The following ADGRL1 variants were observed in gnomAD, a reference collection of about 807,000 sequenced individuals.
ADGRL1 encodes the protein adhesion G protein-coupled receptor L1.
A neutral mutation model predicts 148.9 loss-of-function variants in ADGRL1; 31 were observed. The observed-to-expected ratio is 0.21, with a 90% CI of 0.16 to 0.28. The LOEUF is 0.28. ADGRL1 is among the 10% of genes least tolerant of loss of function. The probability of loss-of-function intolerance (pLI) is 1.00; values close to 1 mark genes in which losing one functional copy is unlikely to be tolerated. For missense variants in ADGRL1, 1,521 were observed against 2,058.8 expected, an observed-to-expected ratio of 0.74 and a Z score of 5.05; for synonymous variants, 937 against 900.3, an observed-to-expected ratio of 1.04 and a Z score of -0.73.
Position 14,193,271 on chromosome 19 carries a change from C to CAAAAA in ADGRL1, c.-95-9579_-95-9575dup, listed in dbSNP as rs34844517. On this transcript the variant is annotated intron_variant, in intron 1 of 22. Coordinates refer to ENST00000361434, the MANE Select transcript of ADGRL1 (RefSeq NM_014921.5). ...AAATATGGCCCCCCGCCCCCACCGCCAAAAAAAAAAAAAAAAAAAAAACTC... is the reference window on the plus strand; with the variant it reads ...AAATATGGCCCCCCGCCCCCACCGCCAAAAAAAAAAAAAAAAAAAAAAAAAAACTC... Among the ~76,000 whole-genome samples the CAAAAA allele has an allele frequency of 1.4e-3, 67 of 48,588 alleles. 4 individuals carry two copies. The highest frequency in any genetic ancestry group is 0.014 in the Middle Eastern group (1 of 72). 31.9% of individuals were successfully genotyped at this position (48,588 alleles called of 152,430 possible).
At chr19:14,193,806 A>G (rs2145124931) in intron 1 of ADGRL1, among the ~76,000 whole-genome samples, 1 of 152,360 alleles carries the variant, frequency 6.6e-6, no homozygotes, top group African/African-American at 2.4e-5. Flanking sequence ...TGATGCTTCT[A>G]GAAGCCAGGG....
chr19:14,150,555 G>A lies in ADGRL1; in HGVS notation c.*318C>T, dbSNP rs1968060441. 8.5e-6 allele frequency: 3 copies of A among 352,730 alleles called. No individual in the cohort carries two copies. The highest frequency in any genetic ancestry group is 4.3e-5 in the Admixed American group (1 of 23,188). 21.9% of individuals were successfully genotyped at this position (352,730 alleles called of 1,614,324 possible). On this transcript the variant is annotated 3_prime_UTR_variant, in exon 23 of 23. Coordinates refer to ENST00000361434, the MANE Select transcript of ADGRL1 (RefSeq NM_014921.5). ...CTTCACAGGGTAGAAGGGTGGGAGA[G>A]GGGAGAGTCTGGAAGTGGGCTGCAC... is the stretch of plus-strand genomic sequence containing the variant.
chr19:14,185,188 T>G (rs1971505710), intron 1 of ADGRL1, among the ~76,000 whole-genome samples: 1 of 152,178 alleles, frequency 6.6e-6, no homozygotes, highest in Non-Finnish European at 1.5e-5. Context: ...CGCTCAAATG[T>G]CTGTCCTCAG....
intron 3 of ADGRL1, among the ~76,000 whole-genome samples, chr19:14,172,990 C>T (rs762707510): frequency 6.6e-6 from 1 of 152,068 alleles, no homozygotes; most frequent in Admixed American, 6.5e-5. Flanking sequence ...GACAGGGTCC[C>T]GCTCTGTCAC....
At chr19:14,193,271 C>CA (rs34844517) in intron 1 of ADGRL1, among the ~76,000 whole-genome samples, 15,878 of 48,556 alleles carry the variant, frequency 0.33, 2,645 homozygotes, top group Non-Finnish European at 0.37. Flanking sequence ...CCCCCACCGC[C>CA]AAAAAAAAAA....
chr19:14,160,151 C>G lies in ADGRL1; in HGVS notation c.1761G>C (p.Arg587=). 6.3e-7 allele frequency: 1 copy of G among 1,594,680 alleles called. No homozygotes were observed. The highest frequency in any genetic ancestry group is 8.6e-7 in the Non-Finnish European group (1 of 1,164,350). The change falls in exon 8 of 23, where the codon CGG becomes CGC. Residue 587 remains arginine (R), a synonymous_variant. Transcript: ENST00000361434. This position sits in a 1 kb window ranked among gnomAD's most constrained non-coding sequence, Gnocchi z 5.9. ...DILDAQLQAL[R]PIERESAGKN... is the part of the protein sequence containing the mutation. ...TGCCGGCTGACTCGCGCTCGATGGGCCGCAGGGCCTGCAGCTGGGCATCCA... is the reference window on the plus strand; with the variant it reads ...TGCCGGCTGACTCGCGCTCGATGGGGCGCAGGGCCTGCAGCTGGGCATCCA...
intron 4 of ADGRL1, 59 bp from the exon 5 acceptor site, chr19:14,163,465 G>GGAGGGAGA (rs1472401156): frequency 1.1e-5 from 8 of 702,288 alleles, no homozygotes; most frequent in Admixed American, 9.5e-5. Flanking sequence ...GCGAGAGGGA[G>GGAGGGAGA]GAGAGAGAGA....
At position 14,162,552 on chromosome 19, in the gene ADGRL1, G is replaced by A; in HGVS notation, c.1195+54C>T. The A allele has an allele frequency of 6.6e-7, 1 of 1,512,280 alleles. No individual in the cohort carries two copies. Among genetic ancestry groups the A allele is most frequent in the Non-Finnish European group, 9.0e-7 (1 of 1,109,786 alleles). The allele number at this position is 1,512,280 out of a possible 1,614,324, so 93.7% of individuals were successfully genotyped here. On this transcript the variant is annotated intron_variant, in intron 5 of 22. Transcript: ENST00000361434. The surrounding 1 kb of genome is among the most constrained non-coding windows in gnomAD (Gnocchi z 5.4). ...ACTCTGGGACCCAGGGGTGGGTGGG[G>A]GTGGAGGGGACAAAGGCAAGCAGGC...
rs1969134835 is a variant in ADGRL1, at chr19:14,159,649, C to T, written c.1840-65G>A. On this transcript the variant is annotated intron_variant, in intron 9 of 22. Transcript: ENST00000361434. This position sits in a 1 kb window ranked among gnomAD's most constrained non-coding sequence, Gnocchi z 6.0. The stretch of plus-strand genomic sequence containing the variant: ...ACCCTCTAATTCCTGGGGGTGGGCT[C>T]TGCATGCCCTCTTCTCAACCTCCAC... The T allele has an allele frequency of 6.3e-7, 1 of 1,591,872 alleles. No homozygotes were observed. The highest frequency in any genetic ancestry group is 1.3e-5 in the African/African-American group (1 of 74,502).
At chr19:14,197,335 G>T (rs183046110) in intron 1 of ADGRL1, among the ~76,000 whole-genome samples, 183 of 152,230 alleles carry the variant, frequency 1.2e-3, no homozygotes, top group African/African-American at 4.2e-3. Flanking sequence ...AGGGGTAGGG[G>T]TCGTTCAAAA....
In ADGRL1 at chr19:14,160,022, C is replaced by A; in HGVS notation, c.1800+90G>T. The A allele has an allele frequency of 7.2e-7, 1 of 1,385,484 alleles. No homozygotes were observed. Among genetic ancestry groups the A allele is most frequent in the Non-Finnish European group, 9.7e-7 (1 of 1,029,556 alleles). 85.8% of individuals were successfully genotyped at this position (1,385,484 alleles called of 1,614,324 possible). On this transcript the variant is annotated intron_variant, in intron 8 of 22. Coordinates refer to ENST00000361434, the MANE Select transcript of ADGRL1 (RefSeq NM_014921.5). This position sits in a 1 kb window ranked among gnomAD's most constrained non-coding sequence, Gnocchi z 5.9. Reference sequence around the variant, plus strand: ...TGAGGAAAGGAGTGGAGGTGGCAGCCTGGCTGGGAGGTACCAGGTCAGGTA... The same window carrying A: ...TGAGGAAAGGAGTGGAGGTGGCAGCATGGCTGGGAGGTACCAGGTCAGGTA...
At chr19:14,179,511 T>C (rs1281658061) in intron 2 of ADGRL1, among the ~76,000 whole-genome samples, 1 of 151,472 alleles carries the variant, frequency 6.6e-6, no homozygotes, top group East Asian at 2.0e-4. Flanking sequence ...AACAAATAAA[T>C]GCCAAGGAGA....
intron 4 of ADGRL1, chr19:14,164,637 C>T (rs1969777332): frequency 6.6e-6 from 1 of 151,808 alleles, no homozygotes; most frequent in Non-Finnish European, 1.5e-5. Context: ...CCATCCCCGG[C>T]TCGGGAAGAG....
rs1001672917 is a variant in ADGRL1, at chr19:14,149,188, T to A, written c.*1685A>T. The A allele has an allele frequency of 4.0e-5, 6 of 151,632 alleles. No individual in the cohort carries two copies. Among genetic ancestry groups the A allele is most frequent in the African/African-American group, 1.5e-4 (6 of 41,188 alleles). The allele number at this position is 151,632 out of a possible 1,614,324, so 9.4% of individuals were successfully genotyped here. On this transcript the variant is annotated 3_prime_UTR_variant, in exon 23 of 23. Transcript: ENST00000361434. ...CTGGAGAGGAGGGGGCCGGGACAGG[T>A]GCTCAGGACACATCCCGAGCCTGGA...
chr19:14,179,977 C>T (rs1322136290), intron 2 of ADGRL1, among the ~76,000 whole-genome samples: 4 of 152,106 alleles, frequency 2.6e-5, no homozygotes, highest in African/African-American at 7.2e-5. Flanking sequence ...GGGGCAGGAG[C>T]TTTGGGTCAC....
chr19:14,205,115 G>A (rs544757522), intron 1 of ADGRL1, among the ~76,000 whole-genome samples: 11 of 152,058 alleles, frequency 7.2e-5, no homozygotes, highest in Middle Eastern at 3.4e-3. Flanking sequence ...TACCTGGGAG[G>A]GCATTTTCTG....
At chr19:14,177,400 A>G (rs1031755096) in intron 3 of ADGRL1, 131 bp downstream of exon 3, 60 of 828,388 alleles carry the variant, frequency 7.2e-5, no homozygotes, top group Non-Finnish European at 1.1e-4. Context: ...GGGGCCCAGC[A>G]CCTATTAAGT....
In ADGRL1 at chr19:14,156,739, G is replaced by T; in HGVS notation, c.2967-15C>A. The T allele has an allele frequency of 6.2e-7, 1 of 1,605,154 alleles. No homozygotes were observed. Among genetic ancestry groups the T allele is most frequent in the Non-Finnish European group, 8.5e-7 (1 of 1,175,882 alleles). On this transcript the variant is annotated splice_polypyrimidine_tract_variant and intron_variant, in intron 15 of 22. Transcript: ENST00000361434. ...GGAGCCAGCAGCTGTAAAGGAAACA[G>T]GGCCGGGGTATAGAGAGAAGCCGAG...
chr19:14,186,351 A>C (rs1971572147), intron 1 of ADGRL1, among the ~76,000 whole-genome samples: 1 of 152,114 alleles, frequency 6.6e-6, no homozygotes, highest in African/African-American at 2.4e-5. Context: ...GGCCATCACC[A>C]CTGTTGTCTT....
Sources: gnomAD v4.1 joint callset for allele counts (sites outside exome capture counted in the v4.1 genomes callset) on GRCh38, gnomAD v4.1.1 for gene constraint, Gnocchi (gnomAD v3.1) non-coding constraint, MANE v1.5 for transcripts, NCBI Gene and HGNC (gene_info 2026-07-23, HGNC 2026-07-21) for gene names.